Variants in SLC39A11 observed in about 807,000 individuals in gnomAD.
SLC39A11 encodes the protein zinc transporter ZIP11.
A neutral mutation model predicts 36.1 loss-of-function variants in SLC39A11; 33 were observed. The ratio of observed to expected loss-of-function variants is 0.91; its 90% CI spans 0.69 to 1.22. The LOEUF is 1.22. Ranked by LOEUF, SLC39A11 falls within the 50% of genes most tolerant of loss-of-function variation. The probability of loss-of-function intolerance (pLI) is 0.00; values close to 1 mark genes in which losing one functional copy is unlikely to be tolerated. For missense variants in SLC39A11, 432 were observed against 430.3 expected (o/e 1.00, Z -0.03); for synonymous variants, 166 against 170.3 (o/e 0.97, Z 0.20).
At chr17:72,685,369 G>GC (rs1300723819) in intron 7 of SLC39A11, among the ~76,000 whole-genome samples, 2 of 152,362 alleles carry the variant, frequency 1.3e-5, no homozygotes, top group East Asian at 1.9e-4. Flanking sequence ...AAGAATTAAA[G>GC]GGGGAGGGGC....
chr17:72,748,317 A>C (rs1175706679), intron 6 of SLC39A11, among the ~76,000 whole-genome samples: 3 of 51,644 alleles, frequency 5.8e-5, no homozygotes, highest in Non-Finnish European at 1.2e-4. Context: ...GGGAGACTCC[A>C]TCTCAAAAAA....
Position 73,004,232 on chromosome 17 carries a change from A to AAAGAAAGAAAGAAAAGAAAAG in SLC39A11, c.306+27323_306+27324insCTTTTCTTTTCTTTCTTTCTT. 5.0e-4 allele frequency among the ~76,000 whole-genome samples: 44 copies of AAAGAAAGAAAGAAAAGAAAAG among 88,696 alleles called. 1 individual carries two copies. The highest frequency in any genetic ancestry group is 1.7e-3 in the East Asian group (6 of 3,478). The allele number at this position is 88,696 out of a possible 152,430, so 58.2% of individuals were successfully genotyped here. ...GAAAGAAAGAAAGAAAGAAAGAAAG[A>AAAGAAAGAAAGAAAAGAAAAG]AAAGAAAGAAAGAGAAAAAGCAAGC... On this transcript the variant is annotated intron_variant, in intron 4 of 9. Transcript: ENST00000255559.
intron 3 of SLC39A11, among the ~76,000 whole-genome samples, chr17:73,066,929 A>T (rs2060013460): frequency 6.6e-6 from 1 of 152,230 alleles, no homozygotes; most frequent in Non-Finnish European, 1.5e-5. Context: ...ATACAAAGAG[A>T]CTAAGGGACT....
intron 4 of SLC39A11, among the ~76,000 whole-genome samples, chr17:73,023,934 C>A (rs183005903): frequency 7.7e-4 from 118 of 152,352 alleles, no homozygotes; most frequent in Non-Finnish European, 1.2e-3. Context: ...CAGCCATCTG[C>A]AAGCCAAGTG....
intron 7 of SLC39A11, among the ~76,000 whole-genome samples, chr17:72,660,700 AT>A (rs1388176008): frequency 3.3e-5 from 5 of 152,188 alleles, no homozygotes; most frequent in Non-Finnish European, 5.9e-5. Context: ...GCAGGGTTTA[AT>A]GGAGTGGAAC....
intron 7 of SLC39A11, among the ~76,000 whole-genome samples, chr17:72,692,295 G>T (rs947356733): frequency 3.9e-5 from 6 of 152,190 alleles, no homozygotes; most frequent in African/African-American, 1.4e-4. Flanking sequence ...ACAGGCGTGG[G>T]CTACCGCGCC....
chr17:73,029,036 T>C (rs778055128), intron 4 of SLC39A11, among the ~76,000 whole-genome samples: 6 of 151,412 alleles, frequency 4.0e-5, no homozygotes, highest in Admixed American at 6.6e-5. Flanking sequence ...GAGAATCACT[T>C]GAACCCAGGA....
chr17:72,837,895 G>C, intron 6 of SLC39A11: 1 of 1,182,958 alleles, frequency 8.5e-7, no homozygotes, highest in Non-Finnish European at 1.1e-6. Context: ...GGGAGGAATG[G>C]GGAGTGACTG....
chr17:72,820,709 G>C (rs1168566611), intron 6 of SLC39A11, among the ~76,000 whole-genome samples: 1 of 151,256 alleles, frequency 6.6e-6, no homozygotes. Flanking sequence ...CATGGGGTGA[G>C]ATGAGAGATG....
At chr17:72,831,935 C>A (rs898254362) in intron 6 of SLC39A11, among the ~76,000 whole-genome samples, 1 of 151,866 alleles carries the variant, frequency 6.6e-6, no homozygotes, top group South Asian at 2.1e-4. Flanking sequence ...TTAAAGACGC[C>A]GATAGAACTA....
At chr17:72,848,777 G>T (rs2079166117) in intron 6 of SLC39A11, among the ~76,000 whole-genome samples, 1 of 151,690 alleles carries the variant, frequency 6.6e-6, no homozygotes. Flanking sequence ...GGAAAGGATT[G>T]GTAAGAACAT....
intron 5 of SLC39A11, among the ~76,000 whole-genome samples, chr17:72,899,454 C>T (rs537688799): frequency 2.6e-5 from 4 of 151,990 alleles, no homozygotes; most frequent in South Asian, 2.1e-4. Flanking sequence ...AAGTGGGGAG[C>T]GAAGGAATCT....
At chr17:73,006,840 T>A (rs1417348098) in intron 4 of SLC39A11, among the ~76,000 whole-genome samples, 1 of 150,842 alleles carries the variant, frequency 6.6e-6, no homozygotes, top group Non-Finnish European at 1.5e-5. Flanking sequence ...GCGGCGGGAG[T>A]TGTTAGGGGA....
At chr17:72,791,875 C>T (rs534245594) in intron 6 of SLC39A11, among the ~76,000 whole-genome samples, 1 of 152,326 alleles carries the variant, frequency 6.6e-6, no homozygotes, top group South Asian at 2.1e-4. Flanking sequence ...TTGTAAGTTT[C>T]CTGAGGCCTC....
chr17:73,001,563 T>A (rs1052301754), intron 4 of SLC39A11, among the ~76,000 whole-genome samples: 11 of 149,528 alleles, frequency 7.4e-5, no homozygotes, highest in Non-Finnish European at 8.9e-5. Context: ...TAAAGTATAA[T>A]AATAATAAAA....
At chr17:73,086,735 A>C (rs1012864911) in intron 2 of SLC39A11, among the ~76,000 whole-genome samples, 6 of 152,152 alleles carry the variant, frequency 3.9e-5, no homozygotes, top group African/African-American at 1.4e-4. Flanking sequence ...TGGGACGATC[A>C]CTTGAACCCA....
intron 4 of SLC39A11, among the ~76,000 whole-genome samples, chr17:72,978,623 G>A (rs912885314): frequency 6.6e-6 from 1 of 152,060 alleles, no homozygotes; most frequent in African/African-American, 2.4e-5. Flanking sequence ...GAGCTTCTAA[G>A]AAGGGGGTGG....
intron 7 of SLC39A11, among the ~76,000 whole-genome samples, chr17:72,734,989 G>A (rs1217855290): frequency 6.6e-6 from 1 of 152,150 alleles, no homozygotes; most frequent in Admixed American, 6.5e-5. Flanking sequence ...CCCGCGCTTA[G>A]AAGAGCAGTC....
At chr17:73,080,554 C>G (rs1379181424) in intron 3 of SLC39A11, among the ~76,000 whole-genome samples, 1 of 152,132 alleles carries the variant, frequency 6.6e-6, no homozygotes, top group African/African-American at 2.4e-5. Context: ...ACTGGAAAAA[C>G]CCTTCTAGAC....
Sources: gnomAD v4.1 joint callset for allele counts (sites outside exome capture counted in the v4.1 genomes callset) on GRCh38, gnomAD v4.1.1 for gene constraint, MANE v1.5 for transcripts, NCBI Gene and HGNC (gene_info 2026-07-23, HGNC 2026-07-21) for gene names.